Variants in CIT observed in about 807,000 individuals in gnomAD.
The protein encoded by CIT is citron Rho-interacting kinase.
In CIT, 79 loss-of-function variants were observed where a neutral mutation model predicts 272.7. The ratio of observed to expected loss-of-function variants is 0.29; its 90% CI spans 0.24 to 0.35. CIT has a LOEUF of 0.35. Ranked by LOEUF, CIT falls within the 10% of genes least tolerant of loss-of-function variation. CIT has a pLI of 1.00. For missense variants in CIT, 1,909 were observed against 2,618.3 expected (o/e 0.73, Z 5.91); for synonymous variants, 948 against 995.6 (o/e 0.95, Z 0.90).
intron 23 of CIT, among the ~76,000 whole-genome samples, chr12:119,750,178 C>T (rs889608262): frequency 3.3e-5 from 5 of 152,084 alleles, no homozygotes; most frequent in South Asian, 2.1e-4. Flanking sequence ...ATATACATTG[C>T]GTTAAATATA....
At chr12:119,688,333 A>C (rs1955696509) in intron 47 of CIT, 78 bp from the exon 48 acceptor site, 1 of 1,391,490 alleles carries the variant, frequency 7.2e-7, no homozygotes, top group Non-Finnish European at 1.0e-6. Flanking sequence ...TGCAAATGGG[A>C]ATCTGCAGCC....
At chr12:119,732,864 C>G (rs1319091275) in intron 26 of CIT, among the ~76,000 whole-genome samples, 1 of 152,138 alleles carries the variant, frequency 6.6e-6, no homozygotes. Flanking sequence ...AAAATGGATC[C>G]GATTCAGCTG....
intron 19 of CIT, among the ~76,000 whole-genome samples, chr12:119,766,097 G>C (rs1197507481): frequency 4.6e-5 from 7 of 152,122 alleles, no homozygotes; most frequent in Admixed American, 2.0e-4. Context: ...GCATCAGGAA[G>C]ACAGCAAGAA....
At chr12:119,876,839 A>C (rs545983693) in intron 1 of CIT, among the ~76,000 whole-genome samples, 1 of 152,308 alleles carries the variant, frequency 6.6e-6, no homozygotes, top group Non-Finnish European at 1.5e-5. Context: ...AGGCGGGGGC[A>C]TCATGAGGTG....
chr12:119,820,692 T>G (rs11064920), intron 9 of CIT, among the ~76,000 whole-genome samples: 2,795 of 152,332 alleles, frequency 0.018, 74 homozygotes, highest in East Asian at 0.13. Flanking sequence ...AAATTAGGGC[T>G]GGGTGCAATG....
chr12:119,796,777 G>A lies in CIT; in HGVS notation c.1295+6429C>T, dbSNP rs1965766799. On this transcript the variant is annotated intron_variant, in intron 10 of 47. Transcript: ENST00000392521. ...GATGGTACGTACATTGCAAGAGCCTGATGGCAGCCACAAAAGAGTGAGAAT... is the reference window on the plus strand; with the variant it reads ...GATGGTACGTACATTGCAAGAGCCTAATGGCAGCCACAAAAGAGTGAGAAT... 2.6e-5 allele frequency among the ~76,000 whole-genome samples: 4 copies of A among 152,334 alleles called. No individual in the cohort carries two copies. The South Asian group carries it at 6.2e-4, about 24-fold the overall frequency.
chr12:119,810,877 G>A (rs1966841884), intron 9 of CIT, among the ~76,000 whole-genome samples: 1 of 152,108 alleles, frequency 6.6e-6, no homozygotes, highest in Non-Finnish European at 1.5e-5. Flanking sequence ...AACAGATTAG[G>A]TGATCAGCAA....
At chr12:119,701,008 T>A (rs1056314172) in intron 43 of CIT, 183 bp from the exon 44 acceptor site, 4 of 384,050 alleles carry the variant, frequency 1.0e-5, no homozygotes, top group Admixed American at 8.6e-5. Flanking sequence ...AGGGACTTTT[T>A]AAATTTAATT....
chr12:119,773,116 T>C (rs1306303139), intron 16 of CIT, among the ~76,000 whole-genome samples: 6 of 152,092 alleles, frequency 3.9e-5, no homozygotes, highest in African/African-American at 1.2e-4. Flanking sequence ...TTTAATTCTA[T>C]ATTTCATTAT....
Position 119,697,607 on chromosome 12 carries a change from T to C in CIT, c.5882+52A>G. The C allele has an allele frequency of 9.7e-6, 15 of 1,553,778 alleles. No individual in the cohort carries two copies. The highest frequency in any genetic ancestry group is 1.1e-5 in the Non-Finnish European group (12 of 1,138,834). On this transcript the variant is annotated intron_variant, in intron 46 of 47. Transcript: ENST00000392521. The surrounding 1 kb of genome is among the most constrained non-coding windows in gnomAD (Gnocchi z 4.9). Reference sequence around the variant, plus strand: ...TGGTTTAGTATCACTTCCTTCTGCCTTGCAGAAAAGCACGTTGCCCCTGGT... The same window carrying C: ...TGGTTTAGTATCACTTCCTTCTGCCCTGCAGAAAAGCACGTTGCCCCTGGT...
intron 23 of CIT, among the ~76,000 whole-genome samples, chr12:119,746,935 C>A (rs1348593527): frequency 6.6e-6 from 1 of 152,128 alleles, no homozygotes; most frequent in African/African-American, 2.4e-5. Context: ...AAGGCAAAAG[C>A]TCATGCAATA....
At chr12:119,734,123 C>T (rs368565992) in intron 26 of CIT, 41 bp downstream of exon 26, 36 of 1,595,952 alleles carry the variant, frequency 2.3e-5, no homozygotes, top group Middle Eastern at 1.7e-4. Flanking sequence ...GATCCTCCTG[C>T]GGTCACCTGT....
chr12:119,804,499 C>A lies in CIT; in HGVS notation c.1112-1110G>T, dbSNP rs1966477744. 2 of 985,520 alleles carry A rather than the reference C, an allele frequency of 2.0e-6. No homozygotes were observed. The highest frequency in any genetic ancestry group is 2.4e-6 in the Non-Finnish European group (2 of 829,956). The allele number at this position is 985,520 out of a possible 1,614,324, so 61.0% of individuals were successfully genotyped here. A position where few individuals can be genotyped will look rare whatever the true frequency, so the allele number is the denominator to read the frequency against. ...GCCAGTGCTGATCCCAGTGACAGAG[C>A]AGCATGAGTCACTGCCCGCCAGGGC... is the stretch of plus-strand genomic sequence containing the variant. On this transcript the variant is annotated intron_variant, in intron 9 of 47. Coordinates refer to ENST00000392521, the MANE Select transcript of CIT (RefSeq NM_001206999.2). The surrounding 1 kb of genome is among the most constrained non-coding windows in gnomAD (Gnocchi z 5.3).
At chr12:119,699,752 G>C in intron 44 of CIT, 1 of 455,650 alleles carries the variant, frequency 2.2e-6, no homozygotes, top group Non-Finnish European at 4.4e-6. Flanking sequence ...AAGCAGAACT[G>C]TCCAGTCAAG....
intron 19 of CIT, among the ~76,000 whole-genome samples, chr12:119,762,450 A>T (rs1961922517): frequency 6.6e-6 from 1 of 152,220 alleles, no homozygotes; most frequent in African/African-American, 2.4e-5. Flanking sequence ...GGAACAGGAA[A>T]CACAAAGCAG....
intron 2 of CIT, among the ~76,000 whole-genome samples, chr12:119,871,029 G>C (rs1389418226): frequency 6.6e-6 from 1 of 151,630 alleles, no homozygotes; most frequent in Non-Finnish European, 1.5e-5. Flanking sequence ...TGGGGCAGGA[G>C]AATTGCTTGA....
intron 5 of CIT, among the ~76,000 whole-genome samples, chr12:119,849,898 G>A (rs1415711079): frequency 6.6e-6 from 1 of 152,130 alleles, no homozygotes; most frequent in African/African-American, 2.4e-5. Context: ...GTGTTAGCCA[G>A]GATGGTCTTG....
chr12:119,803,258 G>T lies in CIT; in HGVS notation c.1243C>A (p.Pro415Thr), dbSNP rs571325771. 1 of 1,605,194 alleles carries T rather than the reference G, an allele frequency of 6.2e-7. No homozygotes were observed. The highest frequency in any genetic ancestry group is 1.1e-5 in the South Asian group (1 of 90,326). ...TTGCTGTACGAAAACCCCACAAACG[G>T]CAGTTCTTCACCCGAGAAGCCTGAG... is the stretch of plus-strand genomic sequence containing the variant. ...SPSGFSGEEL[P>T]FVGFSYSKAL... Residue 415 changes from proline to threonine, a missense_variant, in exon 10 of 48, where the codon CCG becomes ACG. Transcript: ENST00000392521.
intron 13 of CIT, among the ~76,000 whole-genome samples, chr12:119,780,382 GC>G (rs1964173368): frequency 6.6e-6 from 1 of 152,146 alleles, no homozygotes; most frequent in Non-Finnish European, 1.5e-5. Flanking sequence ...ACTTTGGGAG[GC>G]CAAGGCGGGC....
Sources: gnomAD v4.1 joint callset for allele counts (sites outside exome capture counted in the v4.1 genomes callset) on GRCh38, gnomAD v4.1.1 for gene constraint, Gnocchi (gnomAD v3.1) non-coding constraint, MANE v1.5 for transcripts, NCBI Gene and HGNC (gene_info 2026-07-23, HGNC 2026-07-21) for gene names.